Variants in GALNT13 observed in about 807,000 individuals in gnomAD.
GALNT13 encodes the protein UDP-GalNAc:polypeptide N-acetylgalactosaminyltransferase 13.
In GALNT13, 28 loss-of-function variants were observed where a neutral mutation model predicts 64.2. The observed-to-expected ratio is 0.44, with a 90% CI of 0.32 to 0.60. The LOEUF (loss-of-function observed/expected upper bound fraction) is 0.60, where lower values mean the gene tolerates loss of function less well. GALNT13 is among the 20% of genes least tolerant of loss of function. The pLI is 0.05. For synonymous variants in GALNT13, 214 were observed against 224.6 expected, an observed-to-expected ratio of 0.95 and a Z score of 0.42; for missense variants, 577 against 669.8, an observed-to-expected ratio of 0.86 and a Z score of 1.53.
At chr2:153,452,362 T>C in the GALNT13 span, among the ~76,000 whole-genome samples, 3 of 152,062 alleles carry the variant, frequency 2.0e-5, no homozygotes, top group Admixed American at 1.3e-4. Flanking sequence ...GTGCCTGTAG[T>C]CCCAGCTACT....
the GALNT13 span, among the ~76,000 whole-genome samples, chr2:153,450,057 G>C: frequency 6.6e-6 from 1 of 152,142 alleles, no homozygotes. Flanking sequence ...GGATAGAGTT[G>C]ACTGCTACAG....
At chr2:154,207,159 C>A (rs1687505796) in intron 4 of GALNT13, among the ~76,000 whole-genome samples, 1 of 152,136 alleles carries the variant, frequency 6.6e-6, no homozygotes, top group African/African-American at 2.4e-5. Context: ...AAGTCTAAAT[C>A]CCTAGCTAAG....
intron 11 of GALNT13, chr2:154,436,931 G>A (rs1234972572): frequency 1.3e-5 from 2 of 152,074 alleles, no homozygotes; most frequent in Admixed American, 6.6e-5. Context: ...TTGAGACTGG[G>A]TCTTGCTCTG....
chr2:154,400,222 C>A (rs976966244), intron 10 of GALNT13, among the ~76,000 whole-genome samples: 1 of 152,124 alleles, frequency 6.6e-6, no homozygotes, highest in South Asian at 2.1e-4. Context: ...AAAAGGTAAT[C>A]TTTCCTTATG....
At chr2:153,630,414 C>T in the GALNT13 span, among the ~76,000 whole-genome samples, 4 of 145,064 alleles carry the variant, frequency 2.8e-5, no homozygotes, top group African/African-American at 1.0e-4. Flanking sequence ...AAACAAACAC[C>T]GCATGTTCTC....
the GALNT13 span, among the ~76,000 whole-genome samples, chr2:153,301,607 A>G: frequency 3.3e-5 from 5 of 152,116 alleles, no homozygotes; most frequent in South Asian, 2.1e-4. Flanking sequence ...GTTATTAACT[A>G]TAGTCATGGT....
At chr2:154,306,201 T>G (rs1693722462) in intron 9 of GALNT13, among the ~76,000 whole-genome samples, 2 of 152,112 alleles carry the variant, frequency 1.3e-5, no homozygotes, top group South Asian at 4.1e-4. Flanking sequence ...GTGCAGAACA[T>G]GCAGGTTTGT....
chr2:153,068,966 C>T, the GALNT13 span, among the ~76,000 whole-genome samples: 2 of 152,190 alleles, frequency 1.3e-5, no homozygotes, highest in Non-Finnish European at 2.9e-5. Context: ...GAGAGTTGTG[C>T]TTTCAATACT....
chr2:154,176,563 A>G (rs1685667501), intron 4 of GALNT13, among the ~76,000 whole-genome samples: 3 of 151,990 alleles, frequency 2.0e-5, no homozygotes, highest in African/African-American at 7.2e-5. Context: ...AGAACATATA[A>G]TTTAATTAAT....
At chr2:153,395,647 CAT>C in the GALNT13 span, among the ~76,000 whole-genome samples, 1 of 152,204 alleles carries the variant, frequency 6.6e-6, no homozygotes, top group Admixed American at 6.5e-5. Context: ...TGTTTCTGGG[CAT>C]ATGAGACAAG....
intron 3 of GALNT13, among the ~76,000 whole-genome samples, chr2:153,968,016 A>G (rs898881511): frequency 2.1e-5 from 3 of 139,714 alleles, no homozygotes; most frequent in Non-Finnish European, 4.9e-5. Flanking sequence ...AAGCAGAAAG[A>G]GTCTCTCCCA....
At chr2:153,823,324 A>C in the GALNT13 span, among the ~76,000 whole-genome samples, 1 of 152,180 alleles carries the variant, frequency 6.6e-6, no homozygotes, top group Non-Finnish European at 1.5e-5. Context: ...AAAGCAACCC[A>C]AAGTGAAAAG....
At chr2:153,997,695 C>A (rs756464279) in intron 3 of GALNT13, among the ~76,000 whole-genome samples, 4 of 152,032 alleles carry the variant, frequency 2.6e-5, no homozygotes, top group Non-Finnish European at 4.4e-5. Flanking sequence ...GCAGAACGTG[C>A]AGATTTGTAA....
the GALNT13 span, among the ~76,000 whole-genome samples, chr2:153,184,669 T>A: frequency 6.6e-6 from 1 of 152,206 alleles, no homozygotes; most frequent in Non-Finnish European, 1.5e-5. Context: ...AGAGTTTTTT[T>A]AACATGAAGG....
chr2:153,150,260 T>C, the GALNT13 span, among the ~76,000 whole-genome samples: 7 of 152,074 alleles, frequency 4.6e-5, no homozygotes, highest in South Asian at 1.4e-3. Flanking sequence ...AATGCACCTA[T>C]AAATGTCCTC....
At chr2:154,340,975 C>T (rs1281043371) in intron 9 of GALNT13, among the ~76,000 whole-genome samples, 3 of 151,756 alleles carry the variant, frequency 2.0e-5, no homozygotes, top group East Asian at 1.9e-4. Flanking sequence ...TGTATGTGTA[C>T]ATTTATGCAT....
the GALNT13 span, among the ~76,000 whole-genome samples, chr2:153,240,816 G>A: frequency 2.0e-5 from 3 of 151,992 alleles, no homozygotes; most frequent in Non-Finnish European, 4.4e-5. Context: ...TGCTGCCAAT[G>A]CCTTCTTTCT....
chr2:153,257,157 C>T, the GALNT13 span, among the ~76,000 whole-genome samples: 166 of 152,300 alleles, frequency 1.1e-3, no homozygotes, highest in Non-Finnish European at 1.6e-3. Flanking sequence ...TCTTGTGGTG[C>T]GCCGTTTTTT....
the GALNT13 span, among the ~76,000 whole-genome samples, chr2:153,298,042 T>C: frequency 6.6e-6 from 1 of 152,204 alleles, no homozygotes; most frequent in African/African-American, 2.4e-5. Context: ...AAAGTTGGAA[T>C]GTACTCATAC....
Sources: gnomAD v4.1 joint callset for allele counts (sites outside exome capture counted in the v4.1 genomes callset) on GRCh38, gnomAD v4.1.1 for gene constraint, MANE v1.5 for transcripts, NCBI Gene and HGNC (gene_info 2026-07-23, HGNC 2026-07-21) for gene names.